The following SMARCA4 variants were observed in gnomAD, a reference collection of about 807,000 sequenced individuals.
SMARCA4 encodes SWI/SNF-related matrix-associated actin-dependent regulator of chromatin subfamily A member 4.
Under a neutral mutation model 193.9 loss-of-function variants are expected in SMARCA4, and 31 were observed. That is an observed-to-expected ratio of 0.16 (90% CI 0.12 to 0.22). SMARCA4 has a LOEUF of 0.22. Among genes scored for constraint, SMARCA4 ranks in the 10% least tolerant of loss-of-function variants. The pLI is 1.00. For synonymous variants in SMARCA4, 942 were observed against 933.1 expected, an observed-to-expected ratio of 1.01 and a Z score of -0.17; for missense variants, 1,148 against 2,296.0, an observed-to-expected ratio of 0.50 and a Z score of 10.22.
intron 11 of SMARCA4, among the ~76,000 whole-genome samples, chr19:10,998,895 C>CTT (rs1335988156): frequency 7.2e-5 from 10 of 138,464 alleles, no homozygotes; most frequent in Admixed American, 5.1e-4. Context: ...GTCCTGGTTC[C>CTT]TTTTTTTTTT....
At chr19:11,032,919 C>T (rs906056583) in intron 25 of SMARCA4, among the ~76,000 whole-genome samples, 5 of 152,240 alleles carry the variant, frequency 3.3e-5, no homozygotes, top group Non-Finnish European at 5.9e-5. Context: ...GGCCGAGCTT[C>T]GGCCCCCTGT....
chr19:10,988,266 A>G (rs948204814), intron 6 of SMARCA4, among the ~76,000 whole-genome samples: 1 of 152,038 alleles, frequency 6.6e-6, no homozygotes, highest in African/African-American at 2.4e-5. Context: ...GATTATAGGC[A>G]TGCGCCACCA....
At chr19:11,008,253 G>A (rs1239858938) in intron 14 of SMARCA4, 3 of 474,302 alleles carry the variant, frequency 6.3e-6, no homozygotes, top group African/African-American at 3.9e-5. Flanking sequence ...GGTACAGTCA[G>A]GTGTGCGGGA....
At chr19:11,048,662 G>A (rs2076086535) in intron 30 of SMARCA4, among the ~76,000 whole-genome samples, 1 of 152,234 alleles carries the variant, frequency 6.6e-6, no homozygotes, top group African/African-American at 2.4e-5. Context: ...GGTTTAGCTG[G>A]GCACCCGCTG....
chr19:11,050,138 T>A (rs910916720), intron 30 of SMARCA4, among the ~76,000 whole-genome samples: 1 of 152,204 alleles, frequency 6.6e-6, no homozygotes. Flanking sequence ...GAACTTGAAC[T>A]TGATGCTTGT....
intron 14 of SMARCA4, among the ~76,000 whole-genome samples, chr19:11,009,863 A>G (rs1276180813): frequency 6.6e-6 from 1 of 151,768 alleles, no homozygotes; most frequent in Non-Finnish European, 1.5e-5. Context: ...TAATTTTTGT[A>G]TTTTTAGTAG....
chr19:10,963,396 A>AAG (rs1568385175), intron 1 of SMARCA4, among the ~76,000 whole-genome samples: 2 of 150,588 alleles, frequency 1.3e-5, no homozygotes, highest in Non-Finnish European at 3.0e-5. Flanking sequence ...AAAAAAGAAA[A>AAG]AGAAAGCTTG....
In SMARCA4 at chr19:11,003,384, A is replaced by G. The variant is rs2146109504; in HGVS notation, c.1988A>G (p.Glu663Gly). The change falls in exon 13 of 35, where the codon GAA (glutamate) becomes GGA (glycine). Residue 663 changes from glutamate to glycine, a missense_variant. Physicochemically the swap from Glu to Gly is moderately conservative, Grantham distance 98. Around this residue, in one of 17 missense-constraint regions of SMARCA4, gnomAD observed 115 missense variants for 175.1 expected, o/e 0.66. Transcript: ENST00000344626. ...PRSDSEESGS[E>G]EEEEEEEEEQ... The stretch of plus-strand genomic sequence containing the variant: ...TCTGATAGTGAAGAAAGTGGCTCAG[A>G]AGAAGAGGAAGAGGTAAGAGTGCAT... The G allele has an allele frequency of 6.2e-7, 1 of 1,614,014 alleles. No individual in the cohort carries two copies. Among genetic ancestry groups the G allele is most frequent in the Non-Finnish European group, 8.5e-7 (1 of 1,179,878 alleles).
At position 10,987,084 on chromosome 19, in the gene SMARCA4, G is replaced by A; in HGVS notation, c.859+81G>A. The A allele has an allele frequency of 9.7e-7, 1 of 1,036,184 alleles. No individual in the cohort carries two copies. Among genetic ancestry groups the A allele is most frequent in the Admixed American group, 1.8e-5 (1 of 54,128 alleles). The allele number at this position is 1,036,184 out of a possible 1,614,324, so 64.2% of individuals were successfully genotyped here. A position where few individuals can be genotyped will look rare whatever the true frequency, so the allele number is the denominator to read the frequency against. The stretch of plus-strand genomic sequence containing the variant: ...TGGGTCCTTGAGATGAGCTTTGTCA[G>A]GGAGAAAGGGCCGAGGGTGGTCAGG... On this transcript the variant is annotated intron_variant, in intron 5 of 34. Transcript: ENST00000344626. This position sits in a 1 kb window ranked among gnomAD's most constrained non-coding sequence, Gnocchi z 5.3.
chr19:10,989,733 G>C (rs1178433222), intron 7 of SMARCA4, among the ~76,000 whole-genome samples: 1 of 132,848 alleles, frequency 7.5e-6, no homozygotes, highest in South Asian at 2.4e-4. Context: ...AAACAGTCTT[G>C]CTCTATCACC....
At chr19:11,000,356 G>T (rs2087515025) in intron 11 of SMARCA4, among the ~76,000 whole-genome samples, 2 of 152,152 alleles carry the variant, frequency 1.3e-5, no homozygotes, top group South Asian at 4.1e-4. Flanking sequence ...GAGCAACATG[G>T]TGAAACCTCA....
chr19:10,963,061 G>A (rs1006478031), intron 1 of SMARCA4, among the ~76,000 whole-genome samples: 2 of 152,078 alleles, frequency 1.3e-5, no homozygotes. Flanking sequence ...GGAAGATCGC[G>A]TGACCATCTG....
chr19:10,998,605 T>C (rs150576386), intron 11 of SMARCA4, among the ~76,000 whole-genome samples: 1 of 152,170 alleles, frequency 6.6e-6, no homozygotes, highest in African/African-American at 2.4e-5. Context: ...TGTTTTTCTA[T>C]AGTAGGAAAA....
At chr19:11,003,263 C>T (rs2146104352) in intron 12 of SMARCA4, 77 bp from the exon 13 acceptor site, 1 of 1,603,612 alleles carries the variant, frequency 6.2e-7, no homozygotes. Context: ...TGTTTGAATT[C>T]CCGGCAGGTT....
At chr19:11,052,090 G>A (rs1053016484) in intron 30 of SMARCA4, among the ~76,000 whole-genome samples, 6 of 152,046 alleles carry the variant, frequency 3.9e-5, no homozygotes, top group South Asian at 2.1e-4. Context: ...GCGAGACTCC[G>A]TCTCAAAAAT....
intron 21 of SMARCA4, among the ~76,000 whole-genome samples, chr19:11,024,702 G>A (rs2090123972): frequency 1.3e-5 from 2 of 152,170 alleles, no homozygotes; most frequent in South Asian, 4.1e-4. Flanking sequence ...CAGGGTTAGA[G>A]TGTTCTAGAA....
intron 13 of SMARCA4, 37 bp from the exon 14 acceptor site, chr19:11,007,865 G>T (rs2146188008): frequency 6.2e-7 from 1 of 1,612,030 alleles, no homozygotes. Context: ...CCTCTCTGGG[G>T]GATGAACTGA....
At chr19:11,024,581 GC>G (rs768254452) in intron 21 of SMARCA4, 143 bp downstream of exon 21, 31 of 700,394 alleles carry the variant, frequency 4.4e-5, no homozygotes, top group Non-Finnish European at 7.0e-5. Context: ...GGTTATGATG[GC>G]TGGTGGCTTG....
rs141224876 is a variant in SMARCA4 at position 11,060,089 on chromosome 19, G to A, written c.4813G>A (p.Ala1605Thr). ...VKIKLGRKEK[A>T]QDRLKGGRRR... ...GATCAAGCTTGGCCGGAAGGAGAAG[G>A]CACAGGACCGGCTGAAGGGCGGCCG... The change falls in exon 34 of 35, where the codon GCA (alanine) becomes ACA (threonine). Residue 1605 changes from alanine to threonine, a missense_variant. By Grantham distance (58) the Ala-to-Thr change is moderately conservative (BLOSUM62 0). Transcript: ENST00000344626. 1.9e-6 allele frequency: 3 copies of A among 1,553,268 alleles called. No individual in the cohort carries two copies. The highest frequency in any genetic ancestry group is 2.6e-6 in the Non-Finnish European group (3 of 1,148,060).
Sources: allele counts gnomAD v4.1 joint callset (sites outside exome capture counted in the v4.1 genomes callset), GRCh38; gene constraint gnomAD v4.1.1; regional missense constraint gnomAD v4.1.1; non-coding constraint Gnocchi (gnomAD v3.1); transcripts MANE v1.5; gene names NCBI Gene and HGNC (gene_info 2026-07-23, HGNC 2026-07-21).